The following PHF21B variants were observed in gnomAD, a reference collection of about 807,000 sequenced individuals.
The protein encoded by PHF21B is PHD finger protein 21B, also known as PHD finger protein 4.
In PHF21B, 22 loss-of-function variants were observed where a neutral mutation model predicts 62.2. The observed-to-expected ratio is 0.35, with a 90% CI of 0.25 to 0.51. The LOEUF is 0.51. Ranked by LOEUF, PHF21B falls within the 20% of genes least tolerant of loss-of-function variation. The pLI is 0.97. For missense variants in PHF21B, 701 were observed against 707.9 expected (o/e 0.99, Z 0.11); for synonymous variants, 341 against 314.7 (o/e 1.08, Z -0.88).
chr22:44,884,900 C>A (rs5766164), intron 12 of PHF21B, among the ~76,000 whole-genome samples: 1 of 152,234 alleles, frequency 6.6e-6, no homozygotes, highest in Non-Finnish European at 1.5e-5. Context: ...ACCATCATCA[C>A]CACCACCACA....
chr22:44,892,428 G>A lies in PHF21B; in HGVS notation c.960+1029C>T, dbSNP rs142030958. Among the ~76,000 whole-genome samples the A allele has an allele frequency of 1.1e-3, 164 of 152,378 alleles. 1 individual carries two copies. Among genetic ancestry groups the A allele is most frequent in the Non-Finnish European group, 1.9e-3 (131 of 68,040 alleles). On this transcript the variant is annotated intron_variant, in intron 7 of 12. Transcript: ENST00000313237. ...GCAATTGCAGAGCCTGGAACTGGCT[G>A]CCGCTCTGCGCGAAACGCCTCCCTC...
chr22:44,931,024 G>A (rs1569235849), intron 2 of PHF21B, among the ~76,000 whole-genome samples: 1 of 152,206 alleles, frequency 6.6e-6, no homozygotes, highest in East Asian at 1.9e-4. Context: ...CTCTTCCAAA[G>A]CCAGCTTCAG....
At chr22:44,968,924 C>T (rs1307475728) in intron 2 of PHF21B, 1 of 152,204 alleles carries the variant, frequency 6.6e-6, no homozygotes, top group Non-Finnish European at 1.5e-5. Context: ...GCTGTGGCCA[C>T]TGGGGGCTCT....
At chr22:44,999,744 A>T (rs1315591082) in intron 2 of PHF21B, among the ~76,000 whole-genome samples, 1 of 151,994 alleles carries the variant, frequency 6.6e-6, no homozygotes, top group African/African-American at 2.4e-5. Flanking sequence ...AATGGTCCAG[A>T]ACTGGACCAC....
chr22:44,976,129 C>T (rs1569267939), intron 2 of PHF21B, among the ~76,000 whole-genome samples: 1 of 152,184 alleles, frequency 6.6e-6, no homozygotes, highest in East Asian at 1.9e-4. Context: ...CATGATTGCG[C>T]CACTGCACTC....
At chr22:44,961,233 G>A (rs1476064603) in intron 2 of PHF21B, among the ~76,000 whole-genome samples, 3 of 152,066 alleles carry the variant, frequency 2.0e-5, no homozygotes, top group African/African-American at 7.2e-5. Context: ...GGGATTACAG[G>A]CATGAGCCAC....
At position 44,882,972 on chromosome 22, in the gene PHF21B, G is replaced by C; in HGVS notation, c.*114C>G. ...CTTCCTCCCTCCTCTCCTCTGTCTGGTTAATTTTTGTCTGAAATTCATAGT... is the reference window on the plus strand; with the variant it reads ...CTTCCTCCCTCCTCTCCTCTGTCTGCTTAATTTTTGTCTGAAATTCATAGT... On this transcript the variant is annotated 3_prime_UTR_variant, in exon 13 of 13. Transcript: ENST00000313237. 7.9e-7 allele frequency: 1 copy of C among 1,259,128 alleles called. No individual in the cohort carries two copies. The highest frequency in any genetic ancestry group is 1.1e-6 in the Non-Finnish European group (1 of 916,618). The allele number at this position is 1,259,128 out of a possible 1,614,324, so 78.0% of individuals were successfully genotyped here. A position where few individuals can be genotyped will look rare whatever the true frequency, so the allele number is the denominator to read the frequency against.
At chr22:44,893,381 C>A in intron 7 of PHF21B, 76 bp downstream of exon 7, 1 of 1,411,006 alleles carries the variant, frequency 7.1e-7, no homozygotes, top group Non-Finnish European at 9.7e-7. Flanking sequence ...ATGAGGGAGG[C>A]CCTGGGACTT....
At chr22:44,900,401 A>G (rs1247491594) in intron 5 of PHF21B, among the ~76,000 whole-genome samples, 1 of 152,114 alleles carries the variant, frequency 6.6e-6, no homozygotes, top group African/African-American at 2.4e-5. Context: ...CCCAGACTAA[A>G]GTGATTCTCC....
chr22:44,974,430 A>G (rs2072698792), intron 2 of PHF21B, among the ~76,000 whole-genome samples: 1 of 151,316 alleles, frequency 6.6e-6, no homozygotes, highest in South Asian at 2.1e-4. Flanking sequence ...AAAAAAATGC[A>G]TATGCTTAAG....
chr22:44,975,749 A>C (rs928719105), intron 2 of PHF21B, among the ~76,000 whole-genome samples: 1 of 152,272 alleles, frequency 6.6e-6, no homozygotes, highest in Non-Finnish European at 1.5e-5. Flanking sequence ...GTGCTGAACC[A>C]GCAGGGCTCT....
At chr22:44,935,421 T>C (rs2071825861) in intron 2 of PHF21B, among the ~76,000 whole-genome samples, 1 of 152,090 alleles carries the variant, frequency 6.6e-6, no homozygotes, top group African/African-American at 2.4e-5. Context: ...GAGACCATCC[T>C]GGCTAACACG....
intron 2 of PHF21B, among the ~76,000 whole-genome samples, chr22:44,961,399 C>G (rs140376628): frequency 6.6e-6 from 1 of 152,166 alleles, no homozygotes; most frequent in Admixed American, 6.5e-5. Context: ...AGGTTTTCAA[C>G]CCTCGCTCCC....
intron 2 of PHF21B, among the ~76,000 whole-genome samples, chr22:44,941,358 G>A (rs951149247): frequency 6.6e-6 from 1 of 152,224 alleles, no homozygotes; most frequent in African/African-American, 2.4e-5. Flanking sequence ...AGGGCTGTTT[G>A]CCCCGGAGTG....
At chr22:44,894,321 C>T (rs540781098) in intron 6 of PHF21B, among the ~76,000 whole-genome samples, 2 of 152,252 alleles carry the variant, frequency 1.3e-5, no homozygotes, top group African/African-American at 2.4e-5. Context: ...ATTAGGAACG[C>T]ACTTTTCGAT....
intron 7 of PHF21B, among the ~76,000 whole-genome samples, 184 bp downstream of exon 7, chr22:44,893,273 T>C (rs12157979): frequency 0.051 from 7,730 of 152,232 alleles, 601 homozygotes; most frequent in African/African-American, 0.17. Flanking sequence ...TTCCTATCAA[T>C]TGACTGTCAA....
chr22:44,893,523 G>T lies in PHF21B; in HGVS notation c.894C>A (p.Ser298Arg). Residue 298 changes from serine to arginine, a missense_variant, in exon 7 of 13, where the codon AGC (serine) becomes AGA (arginine). By Grantham distance (110) the Ser-to-Arg change is moderately radical (BLOSUM62 -1). Coordinates refer to ENST00000313237, the MANE Select transcript of PHF21B (RefSeq NM_138415.5). ...VTTEHLEEIQ[S>R]KRQERKRRST... ...TTCTTCTCTTCCGCTCCTGTCGCTT[G>T]CTCTGGATTTCTGGAAAGGCACAGA... The T allele has an allele frequency of 6.2e-7, 1 of 1,601,612 alleles. No individual in the cohort carries two copies.
At chr22:45,008,508 G>T in intron 2 of PHF21B, 37 bp downstream of exon 2, 3 of 1,513,746 alleles carry the variant, frequency 2.0e-6, no homozygotes, top group Non-Finnish European at 2.7e-6. Context: ...CCACCCTCCC[G>T]CCCCATCCCA....
rs576584070 is a variant in PHF21B, at chr22:45,009,741, G to A, written c.-192C>T. On this transcript the variant is annotated 5_prime_UTR_variant, in exon 1 of 13. Transcript: ENST00000313237. The surrounding 1 kb of genome is among the most constrained non-coding windows in gnomAD (Gnocchi z 5.9). The stretch of plus-strand genomic sequence containing the variant: ...GGGAAGACAGGCTTCCGGGCGCCGC[G>A]GCGCCGAGCCCTCGGCTGCCCCAAC... The A allele has an allele frequency of 8.4e-6, 4 of 478,620 alleles. No homozygotes were observed. In the South Asian group the frequency reaches 1.2e-4, roughly 15 times the overall value. The allele number at this position is 478,620 out of a possible 1,614,324, so 29.6% of individuals were successfully genotyped here.
Sources: gnomAD v4.1 joint callset for allele counts (sites outside exome capture counted in the v4.1 genomes callset) on GRCh38, gnomAD v4.1.1 for gene constraint, Gnocchi (gnomAD v3.1) non-coding constraint, MANE v1.5 for transcripts, NCBI Gene and HGNC (gene_info 2026-07-23, HGNC 2026-07-21) for gene names.